FAM234B: variants seen among roughly 807,000 people sequenced by gnomAD.
The protein encoded by FAM234B is family with sequence similarity 234 member B.
A neutral mutation model predicts 69.3 loss-of-function variants in FAM234B; 33 were observed. That is an observed-to-expected ratio of 0.48 (90% CI 0.36 to 0.64). FAM234B has a LOEUF of 0.64. Ranked by LOEUF, FAM234B falls within the 30% of genes least tolerant of loss-of-function variation. FAM234B has a pLI of 0.00. For missense variants in FAM234B, 697 were observed against 769.7 expected, an observed-to-expected ratio of 0.91 and a Z score of 1.12; for synonymous variants, 306 against 306.9, an observed-to-expected ratio of 1.00 and a Z score of 0.03.
At chr12:13,072,601 G>A (rs1355578442) in intron 10 of FAM234B, among the ~76,000 whole-genome samples, 1 of 151,840 alleles carries the variant, frequency 6.6e-6, no homozygotes, top group East Asian at 1.9e-4. Context: ...GTGATGGTGG[G>A]CACCTGTAAT....
rs2120526089 is a variant in FAM234B at position 13,083,222 on chromosome 12, T to C, written c.*2592T>C. ...ACCACTACTGAGAAATAGTAATGAC[T>C]TCTACAAATGCAAGGGTCTTACCCT... On this transcript the variant is annotated 3_prime_UTR_variant, in exon 13 of 13. Coordinates refer to ENST00000197268, the MANE Select transcript of FAM234B (RefSeq NM_020853.2). 1 of 152,516 alleles carries C rather than the reference T, an allele frequency of 6.6e-6. No individual in the cohort carries two copies. Among genetic ancestry groups the C allele is most frequent in the Middle Eastern group, 3.4e-3 (1 of 294 alleles). 9.4% of individuals were successfully genotyped at this position (152,516 alleles called of 1,614,324 possible).
In FAM234B at chr12:13,067,724, A is replaced by G. The variant is rs1317132714; in HGVS notation, c.1142+428A>G. On this transcript the variant is annotated intron_variant, in intron 7 of 12. Coordinates refer to ENST00000197268, the MANE Select transcript of FAM234B (RefSeq NM_020853.2). This position sits in a 1 kb window ranked among gnomAD's most constrained non-coding sequence, Gnocchi z 4.7. ...ATTTTTTATTTTTATTTATTTCCTA[A>G]CTAGAAGCATGTAGTTTGTCACATG... Among the ~76,000 whole-genome samples, 1 of 152,200 alleles carries G rather than the reference A, an allele frequency of 6.6e-6. No homozygotes were observed. Among genetic ancestry groups the G allele is most frequent in the Non-Finnish European group, 1.5e-5 (1 of 68,042 alleles).
intron 9 of FAM234B, 98 bp from the exon 10 acceptor site, chr12:13,071,143 T>C: frequency 7.8e-7 from 1 of 1,289,120 alleles, no homozygotes; most frequent in Admixed American, 1.8e-5. Context: ...TTGATATTTG[T>C]GTTATTTGAA....
intron 1 of FAM234B, among the ~76,000 whole-genome samples, chr12:13,046,254 G>A (rs959804833): frequency 6.6e-6 from 1 of 152,058 alleles, no homozygotes; most frequent in East Asian, 1.9e-4. Context: ...ATGTTCACTT[G>A]CGTTTTTCCT....
rs1233127845 is a variant in FAM234B at position 13,067,034 on chromosome 12, C to G, written c.1001-121C>G. ...CACCTCCCCACTTGTTCCGTGTTGT[C>G]CAGTCTGGGCGGGCTCTGTTAGACC... On this transcript the variant is annotated intron_variant, in intron 6 of 12. Transcript: ENST00000197268. This position sits in a 1 kb window ranked among gnomAD's most constrained non-coding sequence, Gnocchi z 4.7. The G allele has an allele frequency of 8.5e-7, 1 of 1,175,212 alleles. No homozygotes were observed. The highest frequency in any genetic ancestry group is 1.4e-5 in the South Asian group (1 of 71,216). The allele number at this position is 1,175,212 out of a possible 1,614,324, so 72.8% of individuals were successfully genotyped here. A position where few individuals can be genotyped will look rare whatever the true frequency, so the allele number is the denominator to read the frequency against.
intron 9 of FAM234B, 81 bp downstream of exon 9, chr12:13,068,792 G>A: frequency 1.2e-6 from 1 of 855,234 alleles, no homozygotes; most frequent in Non-Finnish European, 1.9e-6. Context: ...GCACAGCAGG[G>A]AATAAAAAGA....
At chr12:13,076,238 G>A in intron 11 of FAM234B, 95 bp downstream of exon 11, 1 of 951,308 alleles carries the variant, frequency 1.1e-6, no homozygotes, top group Admixed American at 1.9e-5. Context: ...CCCAGGGAAG[G>A]ATGTGTGCTT....
At chr12:13,052,725 G>T (rs759647057) in intron 1 of FAM234B, among the ~76,000 whole-genome samples, 2 of 140,572 alleles carry the variant, frequency 1.4e-5, no homozygotes, top group African/African-American at 5.6e-5. Context: ...TTCATTTAGC[G>T]TAATGTCCTC....
In FAM234B at chr12:13,056,040, T is replaced by G. The variant is rs1864927770; in HGVS notation, c.433+94T>G. ...CCTCCAAATCTTAAAACTTAATATG[T>G]GTCATGCGGCATTCCCCACCCTGCC... On this transcript the variant is annotated intron_variant, in intron 2 of 12. Coordinates refer to ENST00000197268, the MANE Select transcript of FAM234B (RefSeq NM_020853.2). The G allele has an allele frequency of 3.1e-6, 4 of 1,300,936 alleles. No homozygotes were observed. In the East Asian group the frequency reaches 1.0e-4, roughly 34 times the overall value. 80.6% of individuals were successfully genotyped at this position (1,300,936 alleles called of 1,614,324 possible). A position where few individuals can be genotyped will look rare whatever the true frequency, so the allele number is the denominator to read the frequency against.
chr12:13,056,205 G>C (rs1864929423), intron 2 of FAM234B, among the ~76,000 whole-genome samples: 1 of 152,076 alleles, frequency 6.6e-6, no homozygotes, highest in Admixed American at 6.5e-5. Context: ...TGGTTTGCTG[G>C]ATTCCTGCTG....
At chr12:13,062,649 A>G (rs1864995970) in intron 4 of FAM234B, 196 bp from the exon 5 acceptor site, 1 of 496,986 alleles carries the variant, frequency 2.0e-6, no homozygotes, top group South Asian at 3.4e-5. Flanking sequence ...TTTGTTTGCC[A>G]GATACTTTAG....
intron 9 of FAM234B, among the ~76,000 whole-genome samples, chr12:13,070,359 G>A (rs1398212364): frequency 2.0e-5 from 3 of 152,076 alleles, no homozygotes; most frequent in African/African-American, 7.2e-5. Flanking sequence ...TGCCGGGTTG[G>A]TTCCAGGAAC....
Position 13,067,102 on chromosome 12 carries a change from G to A in FAM234B, c.1001-53G>A, listed in dbSNP as rs1865047893. The A allele has an allele frequency of 1.7e-5, 27 of 1,605,180 alleles. No individual in the cohort carries two copies. The highest frequency in any genetic ancestry group is 2.2e-5 in the Non-Finnish European group (26 of 1,173,266). ...TGTCTCTTGCTCAGATCCTCACCAT[G>A]GGACAGTTCTGTTAAATTCAACTTC... On this transcript the variant is annotated intron_variant, in intron 6 of 12. Coordinates refer to ENST00000197268, the MANE Select transcript of FAM234B (RefSeq NM_020853.2). The surrounding 1 kb of genome is among the most constrained non-coding windows in gnomAD (Gnocchi z 4.7).
chr12:13,066,830 T>A, intron 6 of FAM234B, 43 bp downstream of exon 6: 1 of 1,590,964 alleles, frequency 6.3e-7, no homozygotes, highest in Non-Finnish European at 8.6e-7. Flanking sequence ...CCCACTGGCA[T>A]TTGTGATGAG....
chr12:13,080,377 A>G (rs113027586), intron 12 of FAM234B, among the ~76,000 whole-genome samples: 4 of 152,280 alleles, frequency 2.6e-5, no homozygotes, highest in African/African-American at 9.6e-5. Flanking sequence ...ATCTTGCTCA[A>G]AATGCTAATG....
chr12:13,060,200 T>C (rs2120468263), intron 3 of FAM234B, among the ~76,000 whole-genome samples: 1 of 152,324 alleles, frequency 6.6e-6, no homozygotes, highest in East Asian at 1.9e-4. Flanking sequence ...GGAGTCTGGC[T>C]CTGGAGTTCA....
chr12:13,076,409 A>G (rs1345382997), intron 11 of FAM234B, among the ~76,000 whole-genome samples: 1 of 152,130 alleles, frequency 6.6e-6, no homozygotes, highest in Non-Finnish European at 1.5e-5. Context: ...GTGATGATTC[A>G]TCCAGCCACT....
intron 10 of FAM234B, among the ~76,000 whole-genome samples, chr12:13,075,612 T>C (rs1235128571): frequency 6.3e-4 from 30 of 47,846 alleles, no homozygotes; most frequent in South Asian, 1.4e-3. Context: ...TTTTTTCTCT[T>C]TTTTTTTTTT....
In FAM234B at chr12:13,068,336, C is replaced by T; in HGVS notation, c.1175C>T (p.Ala392Val). ...GTTGAACTACTCCAGATGGTGAAGG[C>T]ACCAGATTCCAACTGCAGCAACCTT... is the stretch of plus-strand genomic sequence containing the variant. The part of the protein sequence containing the change: ...DGVELLQMVK[A>V]PDSNCSNLLI... The change falls in exon 8 of 13, where the codon GCA becomes GTA. Residue 392 changes from alanine (A) to valine (V), a missense_variant. Around this residue, in one of 3 missense-constraint regions of FAM234B, gnomAD observed 313 missense variants for 305.5 expected, o/e 1.02. Coordinates refer to ENST00000197268, the MANE Select transcript of FAM234B (RefSeq NM_020853.2). 1 of 1,614,188 alleles carries T rather than the reference C, an allele frequency of 6.2e-7. No homozygotes were observed.
Sources: allele counts gnomAD v4.1 joint callset (sites outside exome capture counted in the v4.1 genomes callset), GRCh38; gene constraint gnomAD v4.1.1; regional missense constraint gnomAD v4.1.1; non-coding constraint Gnocchi (gnomAD v3.1); transcripts MANE v1.5; gene names NCBI Gene and HGNC (gene_info 2026-07-23, HGNC 2026-07-21).